Variants in TCF7L1 observed in about 807,000 individuals in gnomAD.
TCF7L1 encodes transcription factor 7 like 1.
Under a neutral mutation model 63.7 loss-of-function variants are expected in TCF7L1, and 18 were observed. The observed-to-expected ratio is 0.28, with a 90% CI of 0.20 to 0.42. The LOEUF is 0.42. TCF7L1 is among the 10% of genes least tolerant of loss of function. TCF7L1 has a pLI of 1.00. For missense variants in TCF7L1, 654 were observed against 779.3 expected, an observed-to-expected ratio of 0.84 and a Z score of 1.91; for synonymous variants, 355 against 340.9, an observed-to-expected ratio of 1.04 and a Z score of -0.46.
intron 4 of TCF7L1, among the ~76,000 whole-genome samples, chr2:85,295,355 G>A (rs1458811722): frequency 1.3e-5 from 2 of 151,818 alleles, no homozygotes; most frequent in South Asian, 2.1e-4. Flanking sequence ...GCATGTGCCC[G>A]CATGCCCGGC....
At chr2:85,205,486 T>C (rs1027771949) in intron 3 of TCF7L1, among the ~76,000 whole-genome samples, 22 of 152,038 alleles carry the variant, frequency 1.4e-4, no homozygotes, top group Admixed American at 1.4e-3. Context: ...TCCCGGCCTG[T>C]TCATAGAAGA....
chr2:85,197,407 T>A (rs1401922481), intron 3 of TCF7L1, among the ~76,000 whole-genome samples: 1 of 152,014 alleles, frequency 6.6e-6, no homozygotes, highest in Non-Finnish European at 1.5e-5. Context: ...TCTCAAAAAA[T>A]ATATATATAT....
At chr2:85,159,030 G>GT (rs1678219396) in intron 3 of TCF7L1, among the ~76,000 whole-genome samples, 1 of 152,230 alleles carries the variant, frequency 6.6e-6, no homozygotes, top group Non-Finnish European at 1.5e-5. Flanking sequence ...CTGCGAGGAT[G>GT]TTGAAGCATA....
At chr2:85,209,061 C>T (rs775571753) in intron 3 of TCF7L1, among the ~76,000 whole-genome samples, 1 of 152,198 alleles carries the variant, frequency 6.6e-6, no homozygotes, top group South Asian at 2.1e-4. Flanking sequence ...TGGTTGTAAG[C>T]GTTTCCTCCG....
intron 3 of TCF7L1, among the ~76,000 whole-genome samples, chr2:85,177,828 TAAAATC>T (rs1279203316): frequency 6.6e-6 from 1 of 152,246 alleles, no homozygotes; most frequent in Non-Finnish European, 1.5e-5. Context: ...TTTATATAGT[TAAAATC>T]AAAGCATAGG....
At chr2:85,191,994 A>T (rs969923608) in intron 3 of TCF7L1, among the ~76,000 whole-genome samples, 2 of 152,072 alleles carry the variant, frequency 1.3e-5, no homozygotes, top group Non-Finnish European at 2.9e-5. Flanking sequence ...CATGGAACTT[A>T]GTGCACTTTT....
intron 5 of TCF7L1, among the ~76,000 whole-genome samples, chr2:85,302,828 G>A (rs1014233797): frequency 2.0e-5 from 3 of 151,914 alleles, no homozygotes; most frequent in Admixed American, 6.6e-5. Context: ...GTCACGATAA[G>A]GCCCACAGGA....
Position 85,302,541 on chromosome 2 carries a change from A to G in TCF7L1, c.583A>G (p.Ile195Val). The G allele has an allele frequency of 3.7e-6, 6 of 1,614,086 alleles. No individual in the cohort carries two copies. Among genetic ancestry groups the G allele is most frequent in the Middle Eastern group, 1.6e-4 (1 of 6,062 alleles). The change falls in exon 5 of 12, where the codon ATC (isoleucine) becomes GTC (valine). Residue 195 changes from isoleucine (I) to valine (V), a missense_variant. Ile to Val is a conservative substitution (Grantham distance 29). This residue lies in a region of TCF7L1 where 404 missense variants were observed against 454.8 expected (regional missense o/e 0.89). Coordinates refer to ENST00000282111, the MANE Select transcript of TCF7L1 (RefSeq NM_031283.3). ...PHHMHPLTPLITYSNDHFSPG... is the reference protein window; with the variant it reads ...PHHMHPLTPLVTYSNDHFSPG... The stretch of plus-strand genomic sequence containing the variant: ...TCACATGCATCCGCTGACTCCCCTC[A>G]TCACCTACAGCAATGACCACTTCTC...
chr2:85,169,212 T>G (rs898613424), intron 3 of TCF7L1, among the ~76,000 whole-genome samples: 3 of 152,100 alleles, frequency 2.0e-5, no homozygotes, highest in African/African-American at 7.2e-5. Flanking sequence ...CATCAGTCCT[T>G]CATTCAGCAG....
chr2:85,271,496 G>A (rs1159379115), intron 3 of TCF7L1, among the ~76,000 whole-genome samples: 1 of 152,178 alleles, frequency 6.6e-6, no homozygotes, highest in Non-Finnish European at 1.5e-5. Context: ...TAATTCATAT[G>A]GAATGCTTTA....
In TCF7L1 at chr2:85,261,410, C is replaced by T. The variant is rs148801312; in HGVS notation, c.442-22085C>T. Among the ~76,000 whole-genome samples the T allele has an allele frequency of 2.4e-3, 365 of 152,246 alleles. 7 individuals are homozygous for T. The highest frequency in any genetic ancestry group is 0.018 in the Admixed American group (271 of 15,292). ...TCATTTTCATGTTTGTGATTTGAAGCATGTGTGTGCTCACGAAGGATACCT... is the reference window on the plus strand; with the variant it reads ...TCATTTTCATGTTTGTGATTTGAAGTATGTGTGTGCTCACGAAGGATACCT... On this transcript the variant is annotated intron_variant, in intron 3 of 11. Coordinates refer to ENST00000282111, the MANE Select transcript of TCF7L1 (RefSeq NM_031283.3).
At chr2:85,283,808 C>T (rs987842652) in intron 4 of TCF7L1, among the ~76,000 whole-genome samples, 3 of 152,204 alleles carry the variant, frequency 2.0e-5, no homozygotes, top group African/African-American at 4.8e-5. Context: ...TCCCCCAACC[C>T]CCATGGCCCT....
intron 3 of TCF7L1, among the ~76,000 whole-genome samples, chr2:85,163,830 C>G (rs933006626): frequency 6.6e-6 from 1 of 152,124 alleles, no homozygotes; most frequent in African/African-American, 2.4e-5. Context: ...GGATGTCTGT[C>G]TCTGTTCCTG....
chr2:85,291,835 A>T (rs1156743180), intron 4 of TCF7L1, among the ~76,000 whole-genome samples: 2 of 152,088 alleles, frequency 1.3e-5, no homozygotes, highest in Admixed American at 6.6e-5. Flanking sequence ...CCTCCCAAGT[A>T]GCTAGGACTA....
intron 3 of TCF7L1, among the ~76,000 whole-genome samples, chr2:85,146,561 G>T (rs999887712): frequency 6.9e-6 from 1 of 144,162 alleles, no homozygotes; most frequent in African/African-American, 2.6e-5. Flanking sequence ...GAGTGCAATG[G>T]CACGATCTCG....
chr2:85,181,193 C>G (rs961564989), intron 3 of TCF7L1, among the ~76,000 whole-genome samples: 1 of 152,130 alleles, frequency 6.6e-6, no homozygotes, highest in Admixed American at 6.5e-5. Context: ...TGAGAGAGGG[C>G]TGGAAGAAGT....
At chr2:85,293,936 G>A (rs928431216) in intron 4 of TCF7L1, among the ~76,000 whole-genome samples, 2 of 151,566 alleles carry the variant, frequency 1.3e-5, no homozygotes, top group African/African-American at 2.4e-5. Context: ...AGCAGGCATC[G>A]GAGTCATCTG....
chr2:85,209,641 G>A (rs1472746087), intron 3 of TCF7L1, among the ~76,000 whole-genome samples: 1 of 152,124 alleles, frequency 6.6e-6, no homozygotes, highest in Non-Finnish European at 1.5e-5. Flanking sequence ...ATCATCACAG[G>A]TGCTTGTCGA....
At chr2:85,307,316 A>T (rs148358545) in intron 10 of TCF7L1, among the ~76,000 whole-genome samples, 3 of 152,270 alleles carry the variant, frequency 2.0e-5, no homozygotes, top group African/African-American at 7.2e-5. Context: ...TTTCAAAGGG[A>T]CCTGGGACCC....
Sources: gnomAD v4.1 joint callset for allele counts (sites outside exome capture counted in the v4.1 genomes callset) on GRCh38, gnomAD v4.1.1 for gene constraint, gnomAD v4.1.1 regional missense constraint, MANE v1.5 for transcripts, NCBI Gene and HGNC (gene_info 2026-07-23, HGNC 2026-07-21) for gene names.